The following ADARB1 variants were observed in gnomAD, a reference collection of about 807,000 sequenced individuals.
ADARB1 encodes the protein adenosine deaminase RNA specific B1.
ADARB1 carries 10 observed loss-of-function variants against 52.4 expected under a neutral mutation model. That is an observed-to-expected ratio of 0.19 (90% CI 0.12 to 0.32). The LOEUF (loss-of-function observed/expected upper bound fraction) is 0.32. Ranked by LOEUF, ADARB1 falls within the 10% of genes least tolerant of loss-of-function variation. ADARB1 has a pLI of 1.00. For synonymous variants in ADARB1, 349 were observed against 371.1 expected (o/e 0.94, Z 0.68); for missense variants, 643 against 922.3 (o/e 0.70, Z 3.92).
intron 1 of ADARB1, among the ~76,000 whole-genome samples, chr21:45,096,611 C>G (rs1453831781): frequency 6.6e-6 from 1 of 152,186 alleles, no homozygotes; most frequent in African/African-American, 2.4e-5. Flanking sequence ...TCCCCATGTA[C>G]TTCCTCGAGG....
rs376885652 is a variant in ADARB1, at chr21:45,120,546, A to T, written c.-219-7856A>T. ...CTCTAAGGAAGCCTGCGAAGGCCAG[A>T]TGTCTCCCTTTTGCCTTCTTTGGTT... On this transcript the variant is annotated intron_variant, in intron 1 of 10. Coordinates refer to ENST00000348831, the MANE Select transcript of ADARB1 (RefSeq NM_001112.4). Among the ~76,000 whole-genome samples the T allele has an allele frequency of 2.6e-5, 4 of 152,242 alleles. No homozygotes were observed. The East Asian group carries it at 7.7e-4, about 29-fold the overall frequency.
At chr21:45,137,985 G>A (rs905262311) in intron 2 of ADARB1, among the ~76,000 whole-genome samples, 7 of 152,186 alleles carry the variant, frequency 4.6e-5, no homozygotes, top group Non-Finnish European at 8.8e-5. Context: ...ATTTCTATGG[G>A]AGTGATGCCC....
At chr21:45,161,201 C>T (rs1043310869) in intron 2 of ADARB1, among the ~76,000 whole-genome samples, 16 of 152,154 alleles carry the variant, frequency 1.1e-4, no homozygotes, top group African/African-American at 3.9e-4. Context: ...TGGTGGGAAC[C>T]GGGAACAGGT....
intron 2 of ADARB1, among the ~76,000 whole-genome samples, 195 bp from the exon 3 acceptor site, chr21:45,171,415 C>A (rs2091477414): frequency 6.6e-6 from 1 of 152,194 alleles, no homozygotes; most frequent in South Asian, 2.1e-4. Context: ...AAGTCTTTTG[C>A]TGGACTGGAA....
intron 2 of ADARB1, among the ~76,000 whole-genome samples, chr21:45,167,884 C>T (rs2146090360): frequency 6.6e-6 from 1 of 152,254 alleles, no homozygotes; most frequent in Non-Finnish European, 1.5e-5. Flanking sequence ...GTGGTAGTTG[C>T]ATATTTTATT....
At chr21:45,152,694 G>T (rs1251230398) in intron 2 of ADARB1, 5 of 443,314 alleles carry the variant, frequency 1.1e-5, no homozygotes, top group African/African-American at 8.1e-5. Flanking sequence ...CGCAAGAAGC[G>T]CTCTGAGAGG....
At chr21:45,196,857 A>G (rs1038465008) in intron 8 of ADARB1, among the ~76,000 whole-genome samples, 4 of 152,234 alleles carry the variant, frequency 2.6e-5, no homozygotes, top group African/African-American at 9.6e-5. Flanking sequence ...TGGTACTGTC[A>G]TCCACTGTGG....
intron 1 of ADARB1, among the ~76,000 whole-genome samples, chr21:45,109,172 C>T (rs541362102): frequency 6.1e-5 from 9 of 148,136 alleles, no homozygotes; most frequent in Non-Finnish European, 1.0e-4. Context: ...TATGTGTGTG[C>T]GCGCGTGTGC....
chr21:45,125,812 G>A (rs999709307), intron 1 of ADARB1, among the ~76,000 whole-genome samples: 7 of 152,154 alleles, frequency 4.6e-5, no homozygotes, highest in African/African-American at 1.4e-4. Flanking sequence ...TGTACCTGCC[G>A]TTATATGTAA....
intron 1 of ADARB1, among the ~76,000 whole-genome samples, chr21:45,095,747 C>CTA (rs1266760522): frequency 6.6e-6 from 1 of 152,206 alleles, no homozygotes; most frequent in East Asian, 1.9e-4. Flanking sequence ...AACCCAGTGT[C>CTA]TCTCATTGGC....
chr21:45,085,919 C>A (rs543162669), intron 1 of ADARB1, among the ~76,000 whole-genome samples: 1 of 152,176 alleles, frequency 6.6e-6, no homozygotes, highest in Admixed American at 6.5e-5. Context: ...TCTCCATGCA[C>A]GAATCAGCCA....
In ADARB1 at chr21:45,157,698, G is replaced by A. The variant is rs143186477; in HGVS notation, c.-47-13912G>A. ...ACATGTATGGACATATGTGCATAGG[G>A]TGGGGGTAACGAGGGAGAGGGACAA... On this transcript the variant is annotated intron_variant, in intron 2 of 10. Transcript: ENST00000348831. The surrounding 1 kb of genome is among the most constrained non-coding windows in gnomAD (Gnocchi z 4.1). Among the ~76,000 whole-genome samples the A allele has an allele frequency of 4.6e-5, 7 of 152,296 alleles. No homozygotes were observed. Among genetic ancestry groups the A allele is most frequent in the African/African-American group, 1.7e-4 (7 of 41,546 alleles).
chr21:45,147,241 C>CT (rs1382780299), intron 2 of ADARB1, among the ~76,000 whole-genome samples: 1 of 152,232 alleles, frequency 6.6e-6, no homozygotes, highest in Non-Finnish European at 1.5e-5. Flanking sequence ...GATATTCCCC[C>CT]TTACAGTTTT....
At chr21:45,151,445 C>A (rs1307931585) in intron 2 of ADARB1, among the ~76,000 whole-genome samples, 2 of 152,226 alleles carry the variant, frequency 1.3e-5, no homozygotes, top group Non-Finnish European at 2.9e-5. Context: ...TACTTTGTTA[C>A]ACGAGACAGT....
At chr21:45,197,690 A>G (rs1472668677) in intron 8 of ADARB1, among the ~76,000 whole-genome samples, 1 of 152,196 alleles carries the variant, frequency 6.6e-6, no homozygotes, top group Non-Finnish European at 1.5e-5. Flanking sequence ...ACCGGTAAAT[A>G]GATAGAACAG....
At position 45,182,742 on chromosome 21, in the gene ADARB1, G is replaced by A. The variant is rs761433125; in HGVS notation, c.1236G>A (p.Glu412=). The change falls in exon 6 of 11, where the codon GAG becomes GAA. Residue 412 remains glutamate (E), a synonymous_variant. Coordinates refer to ENST00000348831, the MANE Select transcript of ADARB1 (RefSeq NM_001112.4). The stretch of plus-strand genomic sequence containing the variant: ...TCAGATTTCTTTATACACAACTTGA[G>A]CTTTACTTAAAGTAAGTTTAGTAAA... The part of the protein sequence containing the change: ...SLLRFLYTQL[E]LYLNNKDDQK... 2 of 1,582,932 alleles carry A rather than the reference G, an allele frequency of 1.3e-6. No homozygotes were observed. Among genetic ancestry groups the A allele is most frequent in the Non-Finnish European group, 8.6e-7 (1 of 1,167,808 alleles).
intron 1 of ADARB1, among the ~76,000 whole-genome samples, chr21:45,099,768 A>C (rs2086920800): frequency 6.6e-6 from 1 of 152,222 alleles, no homozygotes; most frequent in Non-Finnish European, 1.5e-5. Flanking sequence ...TGAAGTGTTC[A>C]CATGCTGTTC....
At chr21:45,137,391 A>G (rs2089451933) in intron 2 of ADARB1, 1 of 152,128 alleles carries the variant, frequency 6.6e-6, no homozygotes, top group African/African-American at 2.4e-5. Context: ...TTCTTAACCT[A>G]CGCCATCGCC....
At position 45,224,078 on chromosome 21, in the gene ADARB1, G is replaced by A. The variant is rs2093014265; in HGVS notation, c.*1881G>A. 1 of 985,290 alleles carries A rather than the reference G, an allele frequency of 1.0e-6. No homozygotes were observed. The highest frequency in any genetic ancestry group is 1.7e-5 in the African/African-American group (1 of 57,188). 61.0% of individuals were successfully genotyped at this position (985,290 alleles called of 1,614,324 possible). A position where few individuals can be genotyped will look rare whatever the true frequency, so the allele number is the denominator to read the frequency against. On this transcript the variant is annotated 3_prime_UTR_variant, in exon 11 of 11. Coordinates refer to ENST00000348831, the MANE Select transcript of ADARB1 (RefSeq NM_001112.4). ...TCTGTTGTCGCTGGCTTTCCCCCAA[G>A]CAGGCTCTTGCACACTCTAGAAAAA...
Sources: gnomAD v4.1 joint callset for allele counts (sites outside exome capture counted in the v4.1 genomes callset) on GRCh38, gnomAD v4.1.1 for gene constraint, Gnocchi (gnomAD v3.1) non-coding constraint, MANE v1.5 for transcripts, NCBI Gene and HGNC (gene_info 2026-07-23, HGNC 2026-07-21) for gene names.